CRB1: variants seen among roughly 807,000 people sequenced by gnomAD.
The protein encoded by CRB1 is protein crumbs homolog 1.
CRB1 carries 83 observed loss-of-function variants against 120.0 expected under a neutral mutation model. That is an observed-to-expected ratio of 0.69 (90% CI 0.58 to 0.83). The LOEUF (loss-of-function observed/expected upper bound fraction) is 0.83, where lower values mean the gene tolerates loss of function less well. CRB1 is among the 40% of genes least tolerant of loss of function. CRB1 has a pLI of 0.00. For missense variants in CRB1, 1,699 were observed against 1,687.6 expected, an observed-to-expected ratio of 1.01 and a Z score of -0.12; for synonymous variants, 625 against 612.5, an observed-to-expected ratio of 1.02 and a Z score of -0.30.
chr1:197,230,824 G>T, the CRB1 span, among the ~76,000 whole-genome samples: 1 of 152,146 alleles, frequency 6.6e-6, no homozygotes, highest in Admixed American at 6.5e-5. Context: ...CTAGTATCAG[G>T]AGTTCTAGGC....
intron 5 of CRB1, among the ~76,000 whole-genome samples, chr1:197,392,172 G>T (rs1662539234): frequency 1.3e-5 from 2 of 151,504 alleles, no homozygotes; most frequent in South Asian, 4.2e-4. Flanking sequence ...AAGGCCTTTT[G>T]GTCCTTACTC....
intron 5 of CRB1, among the ~76,000 whole-genome samples, chr1:197,367,715 A>G (rs541139321): frequency 6.6e-6 from 1 of 152,098 alleles, no homozygotes; most frequent in Non-Finnish European, 1.5e-5. Context: ...TCCAATTAGC[A>G]TGTACTCCAA....
At chr1:197,406,951 A>G (rs1477072253) in intron 5 of CRB1, among the ~76,000 whole-genome samples, 1 of 152,234 alleles carries the variant, frequency 6.6e-6, no homozygotes, top group African/African-American at 2.4e-5. Flanking sequence ...GAGAAACTAC[A>G]TGGCTCCTGT....
the CRB1 span, among the ~76,000 whole-genome samples, chr1:197,240,692 T>C: frequency 6.6e-6 from 1 of 152,190 alleles, no homozygotes; most frequent in Non-Finnish European, 1.5e-5. Flanking sequence ...CATGTGTCTT[T>C]ATAGTAGAAT....
At chr1:197,313,155 G>A (rs1571820230) in intron 1 of CRB1, among the ~76,000 whole-genome samples, 1 of 152,106 alleles carries the variant, frequency 6.6e-6, no homozygotes, top group East Asian at 1.9e-4. Context: ...TGTGGTGGAG[G>A]GGAAGTGCCA....
intron 5 of CRB1, among the ~76,000 whole-genome samples, chr1:197,361,479 G>T (rs1660764770): frequency 6.6e-6 from 1 of 151,744 alleles, no homozygotes; most frequent in African/African-American, 2.4e-5. Flanking sequence ...TCAAGGGATT[G>T]GTCCTTTTTT....
intron 1 of CRB1, among the ~76,000 whole-genome samples, chr1:197,295,232 C>T (rs1656452546): frequency 6.6e-6 from 1 of 151,898 alleles, no homozygotes; most frequent in Non-Finnish European, 1.5e-5. Context: ...TGTCATGTTG[C>T]CTTCTAGCTT....
chr1:197,326,490 G>A (rs1450796679), intron 1 of CRB1, among the ~76,000 whole-genome samples: 1 of 151,986 alleles, frequency 6.6e-6, no homozygotes, highest in Non-Finnish European at 1.5e-5. Context: ...AATTAACCAG[G>A]CATGGTGGTG....
chr1:197,213,481 A>T, the CRB1 span, among the ~76,000 whole-genome samples: 1 of 152,208 alleles, frequency 6.6e-6, no homozygotes, highest in Non-Finnish European at 1.5e-5. Flanking sequence ...AATTAAAGTT[A>T]TAAGGACCTC....
chr1:197,203,467 G>A, the CRB1 span, among the ~76,000 whole-genome samples: 1 of 152,102 alleles, frequency 6.6e-6, no homozygotes, highest in Non-Finnish European at 1.5e-5. Context: ...TGTGACTACA[G>A]GCGCATGCTA....
intron 2 of CRB1, among the ~76,000 whole-genome samples, chr1:197,334,024 A>G (rs577842409): frequency 5.3e-4 from 80 of 152,370 alleles, no homozygotes; most frequent in African/African-American, 1.8e-3. Flanking sequence ...TACAATGTAG[A>G]TCAATGGGTC....
At chr1:197,351,353 G>A (rs1660088088) in intron 4 of CRB1, among the ~76,000 whole-genome samples, 2 of 124,466 alleles carry the variant, frequency 1.6e-5, no homozygotes. Flanking sequence ...GGGCGAGAGG[G>A]TGAGACTTGG....
intron 5 of CRB1, among the ~76,000 whole-genome samples, chr1:197,407,771 C>A (rs1663490871): frequency 6.6e-6 from 1 of 152,140 alleles, no homozygotes; most frequent in African/African-American, 2.4e-5. Context: ...ACTATAAATT[C>A]TTCCCCCAGA....
In CRB1 at chr1:197,421,010, C is replaced by G; in HGVS notation, c.1182C>G (p.Cys394Trp). 6.3e-7 allele frequency: 1 copy of G among 1,581,950 alleles called. No homozygotes were observed. The highest frequency in any genetic ancestry group is 8.7e-7 in the Non-Finnish European group (1 of 1,150,806). The stretch of plus-strand genomic sequence containing the variant: ...TTTATTATTTAACAGGAATCCACTG[C>G]GAAGAAGACGTCAATGAATGTTCTT... ...ICQPGFTGIH[C>W]EEDVNECSSN... The change falls in exon 6 of 12, where the codon TGC becomes TGG. Residue 394 changes from cysteine (C) to tryptophan (W), a missense_variant. Coordinates refer to ENST00000367400, the MANE Select transcript of CRB1 (RefSeq NM_201253.3).
chr1:197,204,452 AT>A, the CRB1 span, among the ~76,000 whole-genome samples: 1 of 151,872 alleles, frequency 6.6e-6, no homozygotes, highest in Admixed American at 6.6e-5. Flanking sequence ...TTATTTTTTG[AT>A]TTTTTTATTA....
At chr1:197,428,982 C>A (rs1367468949) in intron 7 of CRB1, 6 of 1,532,138 alleles carry the variant, frequency 3.9e-6, no homozygotes, top group Non-Finnish European at 5.2e-6. Context: ...AGAGGCAGAC[C>A]AATGTGGGAA....
chr1:197,295,445 A>G (rs1305649532), intron 1 of CRB1, among the ~76,000 whole-genome samples: 1 of 152,050 alleles, frequency 6.6e-6, no homozygotes, highest in Non-Finnish European at 1.5e-5. Context: ...GAACTTGAAG[A>G]AGTAACTTGG....
chr1:197,228,051 C>A, the CRB1 span, among the ~76,000 whole-genome samples: 1 of 152,176 alleles, frequency 6.6e-6, no homozygotes, highest in Non-Finnish European at 1.5e-5. Context: ...CTTCACACAG[C>A]ACAAGGTCCT....
intron 8 of CRB1, among the ~76,000 whole-genome samples, chr1:197,431,209 G>C (rs921135727): frequency 1.3e-5 from 2 of 152,048 alleles, no homozygotes; most frequent in African/African-American, 4.8e-5. Context: ...AGAGAAAAAT[G>C]AATTTACTTT....
Sources: gnomAD v4.1 joint callset for allele counts (sites outside exome capture counted in the v4.1 genomes callset) on GRCh38, gnomAD v4.1.1 for gene constraint, MANE v1.5 for transcripts, NCBI Gene and HGNC (gene_info 2026-07-23, HGNC 2026-07-21) for gene names.